Variants in ERRFI1 observed in about 807,000 individuals in gnomAD.
The protein encoded by ERRFI1 is ERBB receptor feedback inhibitor 1.
In ERRFI1, 12 loss-of-function variants were observed where a neutral mutation model predicts 14.6. The observed-to-expected ratio is 0.82, with a 90% CI of 0.53 to 1.33. The LOEUF is 1.33. ERRFI1 is among the 40% of genes most tolerant of loss of function. ERRFI1 has a pLI of 0.00. For missense variants in ERRFI1, 482 were observed against 572.1 expected (o/e 0.84, Z 1.61); for synonymous variants, 202 against 209.9 (o/e 0.96, Z 0.32).
Position 8,012,085 on chromosome 1 carries a change from A to T in ERRFI1, c.*1125T>A, listed in dbSNP as rs897750626. 8.7e-6 allele frequency: 2 copies of T among 230,262 alleles called. No homozygotes were observed. The highest frequency in any genetic ancestry group is 5.7e-5 in the Admixed American group (1 of 17,680). 14.3% of individuals were successfully genotyped at this position (230,262 alleles called of 1,614,324 possible). A position where few individuals can be genotyped will look rare whatever the true frequency, so the allele number is the denominator to read the frequency against. ...GTGTCTCACTGCATCTAAGTGAAGC[A>T]GCCACAGCTGTGAGAGTTTTCAAAG... On this transcript the variant is annotated 3_prime_UTR_variant, in exon 4 of 4. Coordinates refer to ENST00000377482, the MANE Select transcript of ERRFI1 (RefSeq NM_018948.4).
At chr1:8,025,473 A>G (rs1200133468) in intron 1 of ERRFI1, among the ~76,000 whole-genome samples, 1 of 152,148 alleles carries the variant, frequency 6.6e-6, no homozygotes, top group African/African-American at 2.4e-5. Flanking sequence ...AACAGCTTAG[A>G]CGAATTTTTA....
intron 1 of ERRFI1, among the ~76,000 whole-genome samples, chr1:8,022,694 A>C (rs1174420073): frequency 6.6e-6 from 1 of 152,206 alleles, no homozygotes; most frequent in Non-Finnish European, 1.5e-5. Flanking sequence ...CTGAAGCAAA[A>C]GGCTGTTAAG....
chr1:8,014,525 C>G, intron 3 of ERRFI1, 129 bp from the exon 4 acceptor site: 1 of 803,568 alleles, frequency 1.2e-6, no homozygotes, highest in Non-Finnish European at 1.9e-6. Flanking sequence ...TGCTGTCACC[C>G]CGAGAACACC....
Position 8,015,341 on chromosome 1 carries a change from T to C in ERRFI1, c.169A>G (p.Asn57Asp). ...IDPITMAYSLNSSAQERLIPL... is the reference protein window; with the variant it reads ...IDPITMAYSLDSSAQERLIPL... ...ATTAGGCGCTCCTGAGCAGAAGAGT[T>C]CAGACTGTAGGCCATGGTTATCGGG... The change falls in exon 3 of 4, where the codon AAC (asparagine) becomes GAC (aspartate). Residue 57 changes from asparagine (N) to aspartate (D), a missense_variant. Physicochemically the swap from Asn to Asp is conservative, Grantham distance 23. Coordinates refer to ENST00000377482, the MANE Select transcript of ERRFI1 (RefSeq NM_018948.4). 6 of 1,614,178 alleles carry C rather than the reference T, an allele frequency of 3.7e-6. No individual in the cohort carries two copies. The highest frequency in any genetic ancestry group is 4.2e-6 in the Non-Finnish European group (5 of 1,179,996).
At chr1:8,014,692 A>G (rs908543282) in intron 3 of ERRFI1, 1 of 379,036 alleles carries the variant, frequency 2.6e-6, no homozygotes, top group Non-Finnish European at 4.7e-6. Flanking sequence ...AAATTCGCGG[A>G]AGATGAATAG....
chr1:8,025,033 A>AG (rs1641324618), intron 1 of ERRFI1, among the ~76,000 whole-genome samples: 1 of 152,202 alleles, frequency 6.6e-6, no homozygotes, highest in Admixed American at 6.5e-5. Context: ...TTGTTCTGGA[A>AG]GGGAAAAAAA....
intron 1 of ERRFI1, among the ~76,000 whole-genome samples, chr1:8,021,212 C>A (rs1641270219): frequency 6.6e-6 from 1 of 152,076 alleles, no homozygotes. Context: ...TTCAAACTGT[C>A]AAATAAAAAA....
Position 8,015,370 on chromosome 1 carries a change from A to G in ERRFI1, c.140T>C (p.Ile47Thr), listed in dbSNP as rs1408667861. Residue 47 changes from isoleucine (I) to threonine (T), a missense_variant, in exon 3 of 4, where the codon ATT becomes ACT. Transcript: ENST00000377482. ...ACTGTAGGCCATGGTTATCGGGTCAATATTTAAAAAGTTGCTGAAAGGAGA... is the reference window on the plus strand; with the variant it reads ...ACTGTAGGCCATGGTTATCGGGTCAGTATTTAAAAAGTTGCTGAAAGGAGA... ...RSEFKNNFLN[I>T]DPITMAYSLN... The G allele has an allele frequency of 1.9e-6, 3 of 1,614,198 alleles. No homozygotes were observed. The highest frequency in any genetic ancestry group is 3.3e-5 in the Admixed American group (2 of 60,030).
In ERRFI1 at chr1:8,012,193, C is replaced by A. The variant is rs570992727; in HGVS notation, c.*1017G>T. ...TGTTTTACTTAAAAAGCAAACAATC[C>A]CCAGGAAATACTGAATAGGAACCAG... On this transcript the variant is annotated 3_prime_UTR_variant, in exon 4 of 4. Coordinates refer to ENST00000377482, the MANE Select transcript of ERRFI1 (RefSeq NM_018948.4). The A allele has an allele frequency of 4.3e-6, 1 of 231,210 alleles. No homozygotes were observed. Among genetic ancestry groups the A allele is most frequent in the Non-Finnish European group, 8.6e-6 (1 of 116,668 alleles). 14.3% of individuals were successfully genotyped at this position (231,210 alleles called of 1,614,324 possible).
Position 8,017,666 on chromosome 1 carries a change from T to C in ERRFI1, c.-73-1974A>G, listed in dbSNP as rs566367630. Among the ~76,000 whole-genome samples, 9 of 152,242 alleles carry C rather than the reference T, an allele frequency of 5.9e-5. No individual in the cohort carries two copies. In the East Asian group the frequency reaches 1.5e-3, roughly 26 times the overall value. On this transcript the variant is annotated intron_variant, in intron 1 of 3. Coordinates refer to ENST00000377482, the MANE Select transcript of ERRFI1 (RefSeq NM_018948.4). ...GGTAATATAAAAATGAAAGGCAAGA[T>C]AGGAAGAATATGGTATTTAAGTAGT... is the stretch of plus-strand genomic sequence containing the variant.
At chr1:8,020,522 TAAAAC>T (rs1641259825) in intron 1 of ERRFI1, among the ~76,000 whole-genome samples, 2 of 151,000 alleles carry the variant, frequency 1.3e-5, no homozygotes, top group Middle Eastern at 3.4e-3. Context: ...GTGAGGAAAT[TAAAAC>T]AAACAAACAA....
Position 8,013,128 on chromosome 1 carries a change from T to C in ERRFI1, c.*82A>G. ...CTATTTTATTTTGCAATCTAAGGGATTTTTCTCTGCACTTCAATCAAACTG... is the reference window on the plus strand; with the variant it reads ...CTATTTTATTTTGCAATCTAAGGGACTTTTCTCTGCACTTCAATCAAACTG... On this transcript the variant is annotated 3_prime_UTR_variant, in exon 4 of 4. Transcript: ENST00000377482. This position sits in a 1 kb window ranked among gnomAD's most constrained non-coding sequence, Gnocchi z 4.3. The C allele has an allele frequency of 8.0e-7, 1 of 1,243,062 alleles. No homozygotes were observed. Among genetic ancestry groups the C allele is most frequent in the Non-Finnish European group, 1.1e-6 (1 of 890,776 alleles). The allele number at this position is 1,243,062 out of a possible 1,614,324, so 77.0% of individuals were successfully genotyped here.
intron 1 of ERRFI1, among the ~76,000 whole-genome samples, chr1:8,017,544 C>G (rs1022411669): frequency 6.6e-6 from 1 of 152,202 alleles, no homozygotes; most frequent in Non-Finnish European, 1.5e-5. Flanking sequence ...TTTAAAAATA[C>G]TGCTAGCCTC....
intron 1 of ERRFI1, among the ~76,000 whole-genome samples, chr1:8,019,902 AAC>A (rs1641252121): frequency 6.6e-6 from 1 of 152,244 alleles, no homozygotes; most frequent in African/African-American, 2.4e-5. Context: ...ACTTTCTTAA[AAC>A]AGTGTTTTGC....
At chr1:8,018,383 G>T (rs1437911082) in intron 1 of ERRFI1, among the ~76,000 whole-genome samples, 1 of 115,718 alleles carries the variant, frequency 8.6e-6, no homozygotes, top group African/African-American at 3.5e-5. Context: ...CGGGGGGGGG[G>T]GGGGCGCGGA....
chr1:8,025,893 G>A (rs1641340617), intron 1 of ERRFI1, among the ~76,000 whole-genome samples: 2 of 151,778 alleles, frequency 1.3e-5, no homozygotes, highest in African/African-American at 4.8e-5. Flanking sequence ...GCGGGCGCCG[G>A]CACTTCGCGG....
Position 8,015,318 on chromosome 1 carries a change from T to C in ERRFI1, c.192A>G (p.Leu64=). ...YSLNSSAQER[L]IPLGHASKSA... ...TTTCAGAATACATACCAAGTGGTAT[T>C]AGGCGCTCCTGAGCAGAAGAGTTCA... Residue 64 remains leucine, a synonymous_variant, in exon 3 of 4, where the codon CTA becomes CTG. Transcript: ENST00000377482. 5.0e-6 allele frequency: 8 copies of C among 1,614,088 alleles called. No homozygotes were observed. The highest frequency in any genetic ancestry group is 6.8e-6 in the Non-Finnish European group (8 of 1,179,908).
intron 1 of ERRFI1, among the ~76,000 whole-genome samples, chr1:8,023,711 A>G (rs1641303621): frequency 6.6e-6 from 1 of 152,162 alleles, no homozygotes; most frequent in Non-Finnish European, 1.5e-5. Context: ...AATCCTCCCC[A>G]CCACCTTCTG....
In ERRFI1 at chr1:8,012,123, G is replaced by A. The variant is rs1192398430; in HGVS notation, c.*1087C>T. ...AGAGTTTTCAAAGCAGAAAGATGCTGATGTGACCTCTGGAATTCAGACATA... is the reference window on the plus strand; with the variant it reads ...AGAGTTTTCAAAGCAGAAAGATGCTAATGTGACCTCTGGAATTCAGACATA... On this transcript the variant is annotated 3_prime_UTR_variant, in exon 4 of 4. Coordinates refer to ENST00000377482, the MANE Select transcript of ERRFI1 (RefSeq NM_018948.4). 2 of 230,480 alleles carry A rather than the reference G, an allele frequency of 8.7e-6. No individual in the cohort carries two copies. The highest frequency in any genetic ancestry group is 1.7e-5 in the Non-Finnish European group (2 of 116,110). The allele number at this position is 230,480 out of a possible 1,614,324, so 14.3% of individuals were successfully genotyped here.
Sources: gnomAD v4.1 joint callset for allele counts (sites outside exome capture counted in the v4.1 genomes callset) on GRCh38, gnomAD v4.1.1 for gene constraint, Gnocchi (gnomAD v3.1) non-coding constraint, MANE v1.5 for transcripts, NCBI Gene and HGNC (gene_info 2026-07-23, HGNC 2026-07-21) for gene names.